Variants in DGKG observed in about 807,000 individuals in gnomAD.
DGKG encodes diacylglycerol kinase gamma.
DGKG carries 78 observed loss-of-function variants against 105.3 expected under a neutral mutation model. The ratio of observed to expected loss-of-function variants is 0.74; its 90% CI spans 0.62 to 0.89. The LOEUF is 0.89. Among genes scored for constraint, DGKG ranks in the 40% least tolerant of loss-of-function variants. The probability of loss-of-function intolerance (pLI) is 0.00; values close to 1 mark genes in which losing one functional copy is unlikely to be tolerated. For missense variants in DGKG, 958 were observed against 1,020.1 expected, an observed-to-expected ratio of 0.94 and a Z score of 0.83; for synonymous variants, 346 against 367.1, an observed-to-expected ratio of 0.94 and a Z score of 0.66.
At chr3:186,300,331 A>G (rs920066610) in intron 3 of DGKG, among the ~76,000 whole-genome samples, 1 of 152,186 alleles carries the variant, frequency 6.6e-6, no homozygotes, top group African/African-American at 2.4e-5. Context: ...AACAGACCAG[A>G]TTAGCCTCCT....
chr3:186,207,020 A>C (rs1297953653), intron 21 of DGKG, among the ~76,000 whole-genome samples: 1 of 151,984 alleles, frequency 6.6e-6, no homozygotes, highest in East Asian at 1.9e-4. Flanking sequence ...GAGTGCTGGG[A>C]TTGTAGGCAT....
chr3:186,358,413 C>G (rs549083328), intron 1 of DGKG, among the ~76,000 whole-genome samples: 1 of 152,162 alleles, frequency 6.6e-6, no homozygotes, highest in East Asian at 1.9e-4. Context: ...TCCAGGGCTA[C>G]TAAACCCACT....
intron 22 of DGKG, among the ~76,000 whole-genome samples, chr3:186,185,234 GA>G (rs1717567634): frequency 6.6e-6 from 1 of 152,158 alleles, no homozygotes; most frequent in Non-Finnish European, 1.5e-5. Flanking sequence ...CTTTCAAGAA[GA>G]AAGCTCAGTG....
At chr3:186,242,748 G>A (rs568891773) in intron 19 of DGKG, 180 bp from the exon 20 acceptor site, 1 of 530,486 alleles carries the variant, frequency 1.9e-6, no homozygotes, top group African/African-American at 1.9e-5. Flanking sequence ...CCTCCAGGGG[G>A]ATGAGCTAGC....
chr3:186,297,062 T>TACACACACACACACACA (rs1560139860), intron 5 of DGKG, among the ~76,000 whole-genome samples: 2 of 26,812 alleles, frequency 7.5e-5, no homozygotes, highest in African/African-American at 1.6e-4. Context: ...TGTCTGTCTG[T>TACACACACACACACACA]CTCTCTCACA....
chr3:186,331,677 A>G (rs149040137), intron 1 of DGKG, among the ~76,000 whole-genome samples: 2,464 of 152,244 alleles, frequency 0.016, 41 homozygotes, highest in Non-Finnish European at 0.027. Context: ...GAAGTTGAGG[A>G]CTGCTACTTT....
chr3:186,272,118 T>C, intron 11 of DGKG, 137 bp downstream of exon 11: 2 of 658,894 alleles, frequency 3.0e-6, no homozygotes, highest in South Asian at 1.8e-5. Context: ...ATGAACGGGA[T>C]GGTTTACAGG....
At chr3:186,348,640 TG>T (rs1216520367) in intron 1 of DGKG, among the ~76,000 whole-genome samples, 2 of 151,546 alleles carry the variant, frequency 1.3e-5, no homozygotes, top group African/African-American at 4.9e-5. Context: ...TTAGTAGAGG[TG>T]GGGTTTTGCC....
intron 15 of DGKG, 70 bp from the exon 16 acceptor site, chr3:186,260,583 A>C (rs1721722534): frequency 8.2e-7 from 1 of 1,226,550 alleles, no homozygotes; most frequent in East Asian, 2.4e-5. Flanking sequence ...GAGAAGTCAC[A>C]TTAGGGCAAA....
intron 1 of DGKG, among the ~76,000 whole-genome samples, chr3:186,332,637 GTTC>G (rs1361082102): frequency 6.6e-6 from 1 of 152,152 alleles, no homozygotes. Context: ...ACATTAGCAA[GTTC>G]TTCTTCATCT....
intron 1 of DGKG, among the ~76,000 whole-genome samples, chr3:186,340,290 T>C: frequency 6.6e-6 from 1 of 152,110 alleles, no homozygotes; most frequent in South Asian, 2.1e-4. Flanking sequence ...ACTATAAACT[T>C]TATGGAAACA....
At chr3:186,183,406 A>G (rs191259465) in intron 22 of DGKG, among the ~76,000 whole-genome samples, 299 of 152,384 alleles carry the variant, frequency 2.0e-3, no homozygotes, top group Non-Finnish European at 3.5e-3. Context: ...AAAATGAAAT[A>G]GAAATACAAG....
chr3:186,342,832 G>C (rs1414357748), intron 1 of DGKG, among the ~76,000 whole-genome samples: 1 of 152,084 alleles, frequency 6.6e-6, no homozygotes, highest in African/African-American at 2.4e-5. Flanking sequence ...CCAAAATGGG[G>C]AAGCGTTCAA....
At chr3:186,334,256 G>A (rs1337916886) in intron 1 of DGKG, among the ~76,000 whole-genome samples, 1 of 152,146 alleles carries the variant, frequency 6.6e-6, no homozygotes, top group African/African-American at 2.4e-5. Flanking sequence ...TCAAACCCAT[G>A]TCTGTCTGAA....
At chr3:186,238,501 T>C (rs1184736869) in intron 20 of DGKG, among the ~76,000 whole-genome samples, 2 of 152,184 alleles carry the variant, frequency 1.3e-5, no homozygotes, top group Non-Finnish European at 1.5e-5. Context: ...TTTCTTTTGC[T>C]AGACGACGAT....
chr3:186,333,972 A>G (rs1725713161), intron 1 of DGKG, among the ~76,000 whole-genome samples: 1 of 152,074 alleles, frequency 6.6e-6, no homozygotes, highest in Non-Finnish European at 1.5e-5. Context: ...AGTAGAAGGA[A>G]CTTGAGGTCA....
intron 2 of DGKG, among the ~76,000 whole-genome samples, chr3:186,310,429 C>T (rs1173924055): frequency 1.3e-5 from 2 of 152,114 alleles, no homozygotes; most frequent in Non-Finnish European, 2.9e-5. Context: ...AGGGAATCAA[C>T]TTAATTCTCA....
intron 21 of DGKG, among the ~76,000 whole-genome samples, chr3:186,199,335 A>G (rs1464813515): frequency 1.3e-5 from 2 of 152,140 alleles, no homozygotes; most frequent in African/African-American, 4.8e-5. Flanking sequence ...CTGCATTCAG[A>G]GGTGCTGGTT....
chr3:186,248,747 A>G (rs1410969972), intron 19 of DGKG, among the ~76,000 whole-genome samples: 2 of 152,212 alleles, frequency 1.3e-5, no homozygotes, highest in African/African-American at 4.8e-5. Flanking sequence ...CACAAAGCTC[A>G]GTGGTCCACA....
Sources: allele counts gnomAD v4.1 joint callset (sites outside exome capture counted in the v4.1 genomes callset), GRCh38; gene constraint gnomAD v4.1.1; transcripts MANE v1.5; gene names NCBI Gene and HGNC (gene_info 2026-07-23, HGNC 2026-07-21).